EMID1: variants seen among roughly 807,000 people sequenced by gnomAD.
The protein encoded by EMID1 is EMI domain-containing protein 1.
Under a neutral mutation model 60.6 loss-of-function variants are expected in EMID1, and 40 were observed. The ratio of observed to expected loss-of-function variants is 0.66; its 90% CI spans 0.51 to 0.86. The LOEUF is 0.86. Ranked by LOEUF, EMID1 falls within the 40% of genes least tolerant of loss-of-function variation. The pLI is 0.00. For missense variants in EMID1, 585 were observed against 597.1 expected, an observed-to-expected ratio of 0.98 and a Z score of 0.21; for synonymous variants, 242 against 231.0, an observed-to-expected ratio of 1.05 and a Z score of -0.43.
At chr22:29,229,423 C>T (rs1426916066) in intron 5 of EMID1, among the ~76,000 whole-genome samples, 2 of 152,110 alleles carry the variant, frequency 1.3e-5, no homozygotes, top group South Asian at 4.1e-4. Context: ...GCGGGCGGAT[C>T]ACATGAGGTC....
intron 13 of EMID1, among the ~76,000 whole-genome samples, chr22:29,244,838 C>T (rs2041276121): frequency 6.6e-6 from 1 of 152,074 alleles, no homozygotes; most frequent in Admixed American, 6.6e-5. Context: ...GGGGAGACAT[C>T]TGGAAAATGG....
In EMID1 at chr22:29,254,118, C is replaced by T. The variant is rs530595788; in HGVS notation, c.1120-85C>T. On this transcript the variant is annotated intron_variant, in intron 13 of 14. Transcript: ENST00000334018. Reference sequence around the variant, plus strand: ...AGTGTGGGGCTGCAGGTGCATGTCCCGGGTGGGGCATGGGCCACCGACGGG... The same window carrying T: ...AGTGTGGGGCTGCAGGTGCATGTCCTGGGTGGGGCATGGGCCACCGACGGG... 136 of 1,599,598 alleles carry T rather than the reference C, an allele frequency of 8.5e-5. No homozygotes were observed. In the African/African-American group the frequency reaches 1.3e-3, roughly 16 times the overall value.
chr22:29,214,876 C>A (rs1377565307), intron 1 of EMID1, 50 bp from the exon 2 acceptor site: 1 of 1,376,754 alleles, frequency 7.3e-7, no homozygotes, highest in Non-Finnish European at 9.8e-7. Flanking sequence ...GAGTCCCCAG[C>A]AGGGGACCCT....
rs532450908 is a variant in EMID1 at position 29,253,782 on chromosome 22, A to G, written c.1120-421A>G. On this transcript the variant is annotated intron_variant, in intron 13 of 14. Transcript: ENST00000334018. The stretch of plus-strand genomic sequence containing the variant: ...TTAAAGCAAAAAGAATGTGAAGTAA[A>G]TAAGCATATAGGTGGCCAAGAGATA... The G allele has an allele frequency of 8.3e-6, 3 of 361,662 alleles. No homozygotes were observed. The East Asian group carries it at 4.9e-4, about 59-fold the overall frequency. 22.4% of individuals were successfully genotyped at this position (361,662 alleles called of 1,614,324 possible).
intron 13 of EMID1, among the ~76,000 whole-genome samples, chr22:29,245,533 G>A (rs993301342): frequency 4.6e-5 from 7 of 152,208 alleles, no homozygotes; most frequent in Admixed American, 2.6e-4. Context: ...TGCTTGCCTG[G>A]GAGGGGACCC....
intron 3 of EMID1, among the ~76,000 whole-genome samples, chr22:29,218,440 G>T (rs1327532985): frequency 1.3e-5 from 2 of 152,244 alleles, no homozygotes; most frequent in South Asian, 2.1e-4. Context: ...TACAGATGGA[G>T]AAACTGAGGC....
intron 13 of EMID1, among the ~76,000 whole-genome samples, chr22:29,244,525 G>A (rs1056511780): frequency 6.6e-6 from 1 of 151,998 alleles, no homozygotes; most frequent in Non-Finnish European, 1.5e-5. Context: ...TGTAGTCCTA[G>A]CTATTCAGGA....
intron 3 of EMID1, among the ~76,000 whole-genome samples, chr22:29,223,321 G>A (rs2040369376): frequency 6.6e-6 from 1 of 152,202 alleles, no homozygotes; most frequent in African/African-American, 2.4e-5. Context: ...AGAGGGGAGG[G>A]CAGAAGCAGG....
chr22:29,214,800 G>A (rs1420318478), intron 1 of EMID1, 126 bp from the exon 2 acceptor site: 2 of 608,914 alleles, frequency 3.3e-6, no homozygotes, highest in Non-Finnish European at 5.4e-6. Flanking sequence ...GCAAGCTCAG[G>A]GCTTCTCGCT....
At position 29,254,057 on chromosome 22, in the gene EMID1, G is replaced by A. The variant is rs554082095; in HGVS notation, c.1120-146G>A. ...CCCCCTCCTGTCCTCACCTGGTCTTGTTCTGGCTGTCCATGGACCCTGGGC... is the reference window on the plus strand; with the variant it reads ...CCCCCTCCTGTCCTCACCTGGTCTTATTCTGGCTGTCCATGGACCCTGGGC... On this transcript the variant is annotated intron_variant, in intron 13 of 14. Transcript: ENST00000334018. The A allele has an allele frequency of 4.6e-6, 7 of 1,533,110 alleles. No individual in the cohort carries two copies. The East Asian group carries it at 1.4e-4, about 30-fold the overall frequency. The allele number at this position is 1,533,110 out of a possible 1,614,324, so 95.0% of individuals were successfully genotyped here.
At chr22:29,220,665 G>A (rs549409928) in intron 3 of EMID1, among the ~76,000 whole-genome samples, 24 of 151,962 alleles carry the variant, frequency 1.6e-4, no homozygotes, top group African/African-American at 4.3e-4. Context: ...TTCACACCCC[G>A]AATCCCCAAC....
intron 1 of EMID1, among the ~76,000 whole-genome samples, chr22:29,211,419 G>A (rs1324706532): frequency 6.6e-6 from 1 of 152,056 alleles, no homozygotes; most frequent in South Asian, 2.1e-4. Context: ...GTGTCCATGC[G>A]TTGTGTGTAC....
chr22:29,247,760 G>C (rs2041375848), intron 13 of EMID1, among the ~76,000 whole-genome samples: 2 of 151,794 alleles, frequency 1.3e-5, no homozygotes, highest in South Asian at 4.1e-4. Flanking sequence ...CTCCTGGGTA[G>C]CTGGGATTAC....
chr22:29,232,504 C>T (rs2040789703), intron 8 of EMID1, 102 bp downstream of exon 8: 3 of 1,315,188 alleles, frequency 2.3e-6, no homozygotes, highest in South Asian at 1.5e-5. Context: ...GCCAGCCCTG[C>T]TCACGATAGG....
At chr22:29,247,684 G>T (rs1217982276) in intron 13 of EMID1, among the ~76,000 whole-genome samples, 1 of 152,186 alleles carries the variant, frequency 6.6e-6, no homozygotes, top group African/African-American at 2.4e-5. Flanking sequence ...AGGGTGGAGT[G>T]CAGTGGTGTG....
intron 1 of EMID1, among the ~76,000 whole-genome samples, chr22:29,209,198 C>T (rs2039789853): frequency 6.6e-6 from 1 of 152,220 alleles, no homozygotes. Context: ...CCCTGGGCCC[C>T]TCGTGGCAGG....
intron 14 of EMID1, chr22:29,255,506 C>A: frequency 1.7e-6 from 1 of 595,114 alleles, no homozygotes; most frequent in South Asian, 3.1e-5. Flanking sequence ...CAAATGGTGC[C>A]TGGCAGAGAG....
At chr22:29,234,608 C>T (rs1185200549) in intron 12 of EMID1, among the ~76,000 whole-genome samples, 1 of 152,208 alleles carries the variant, frequency 6.6e-6, no homozygotes, top group Non-Finnish European at 1.5e-5. Context: ...TTCATTTACA[C>T]TCTATCTCTC....
rs2041512098 is a variant in EMID1 at position 29,251,076 on chromosome 22, C to A, written c.1120-3127C>A. Reference sequence around the variant, plus strand: ...GGAATTACAGGTACACACCACCACGCCTGGCTAATTTTTTAATTTTTTCTT... The same window carrying A: ...GGAATTACAGGTACACACCACCACGACTGGCTAATTTTTTAATTTTTTCTT... On this transcript the variant is annotated intron_variant, in intron 13 of 14. Transcript: ENST00000334018. 2.0e-5 allele frequency among the ~76,000 whole-genome samples: 3 copies of A among 151,490 alleles called. No individual in the cohort carries two copies. In the South Asian group the frequency reaches 6.3e-4, roughly 32 times the overall value.
Sources: gnomAD v4.1 joint callset for allele counts (sites outside exome capture counted in the v4.1 genomes callset) on GRCh38, gnomAD v4.1.1 for gene constraint, MANE v1.5 for transcripts, NCBI Gene and HGNC (gene_info 2026-07-23, HGNC 2026-07-21) for gene names.